Variants in CLCA4 observed in about 807,000 individuals in gnomAD.
CLCA4 encodes the protein calcium-activated chloride channel regulator 4.
CLCA4 carries 69 observed loss-of-function variants against 78.9 expected under a neutral mutation model. The ratio of observed to expected loss-of-function variants is 0.87; its 90% CI spans 0.72 to 1.07. CLCA4 has a LOEUF of 1.07. Among genes scored for constraint, CLCA4 ranks in the 50% least tolerant of loss-of-function variants. The pLI is 0.00. For missense variants in CLCA4, 1,133 were observed against 1,095.8 expected, an observed-to-expected ratio of 1.03 and a Z score of -0.48; for synonymous variants, 362 against 375.8, an observed-to-expected ratio of 0.96 and a Z score of 0.42.
Position 86,559,927 on chromosome 1 carries a change from G to T in CLCA4, c.160-5G>T. On this transcript the variant is annotated splice_polypyrimidine_tract_variant and splice_region_variant and intron_variant, in intron 1 of 13. Coordinates refer to ENST00000370563, the MANE Select transcript of CLCA4 (RefSeq NM_012128.4). ...ATCCTCACATATTTTTTCCTTTAATGACAGGATATGGTGACTACAGCTTCT... is the reference window on the plus strand; with the variant it reads ...ATCCTCACATATTTTTTCCTTTAATTACAGGATATGGTGACTACAGCTTCT... 6.3e-7 allele frequency: 1 copy of T among 1,582,480 alleles called. No individual in the cohort carries two copies. Among genetic ancestry groups the T allele is most frequent in the South Asian group, 1.2e-5 (1 of 85,024 alleles).
Position 86,567,575 on chromosome 1 carries a change from A to C in CLCA4, c.1106A>C (p.Asn369Thr), listed in dbSNP as rs1217402269. ...LIQIKSSDER[N>T]TLMAGLPTYP... ...CAAATAAAAAGCAGTGATGAAAGAA[A>C]CACACTCATGGCAGGATTACCTACA... Residue 369 changes from asparagine (N) to threonine (T), a missense_variant, in exon 7 of 14, where the codon AAC becomes ACC. Coordinates refer to ENST00000370563, the MANE Select transcript of CLCA4 (RefSeq NM_012128.4). The C allele has an allele frequency of 6.2e-7, 1 of 1,613,412 alleles. No individual in the cohort carries two copies. The highest frequency in any genetic ancestry group is 1.7e-5 in the Admixed American group (1 of 59,976).
chr1:86,578,189 G>C, intron 12 of CLCA4, 117 bp downstream of exon 12: 1 of 957,000 alleles, frequency 1.0e-6, no homozygotes, highest in Non-Finnish European at 1.5e-6. Context: ...CCCATTTATG[G>C]AATAAAGTTC....
At chr1:86,577,100 T>C (rs1460902986) in intron 11 of CLCA4, among the ~76,000 whole-genome samples, 1 of 152,128 alleles carries the variant, frequency 6.6e-6, no homozygotes, top group Non-Finnish European at 1.5e-5. Flanking sequence ...TCTTCAGATA[T>C]ATCAATATTT....
chr1:86,575,231 T>C (rs1376696942), intron 10 of CLCA4, 101 bp from the exon 11 acceptor site: 12 of 1,052,032 alleles, frequency 1.1e-5, no homozygotes, highest in Non-Finnish European at 1.5e-5. Flanking sequence ...AAAACCTCTT[T>C]ATTCTCTCCC....
At chr1:86,553,212 T>G (rs1649717692) in intron 1 of CLCA4, 2 of 1,169,858 alleles carry the variant, frequency 1.7e-6, no homozygotes, top group Non-Finnish European at 2.6e-6. Flanking sequence ...AAGCTGCAGC[T>G]TCACCAGGGA....
chr1:86,573,245 C>T (rs569302001), intron 9 of CLCA4, among the ~76,000 whole-genome samples: 2 of 151,830 alleles, frequency 1.3e-5, no homozygotes, highest in African/African-American at 2.4e-5. Context: ...CCACTTTTTT[C>T]GGTGGCTTTT....
intron 9 of CLCA4, 118 bp downstream of exon 9, chr1:86,572,838 A>T (rs1211851745): frequency 1.4e-6 from 1 of 703,350 alleles, no homozygotes. Flanking sequence ...ATTAAAATCT[A>T]AACTTTAATC....
At position 86,580,417 on chromosome 1, in the gene CLCA4, G is replaced by T. The variant is rs1650684288; in HGVS notation, c.*72G>T. The T allele has an allele frequency of 8.5e-7, 1 of 1,181,132 alleles. No individual in the cohort carries two copies. The highest frequency in any genetic ancestry group is 1.1e-6 in the Non-Finnish European group (1 of 873,294). The allele number at this position is 1,181,132 out of a possible 1,614,324, so 73.2% of individuals were successfully genotyped here. Reference sequence around the variant, plus strand: ...TAAAAAACAAAACAATGTAAGTAAAGGATATTTCTGAATCTTAAAATTCAT... The same window carrying T: ...TAAAAAACAAAACAATGTAAGTAAATGATATTTCTGAATCTTAAAATTCAT... On this transcript the variant is annotated 3_prime_UTR_variant, in exon 14 of 14. Transcript: ENST00000370563.
rs1235014255 is a variant in CLCA4, at chr1:86,579,415, G to C, written c.2184G>C (p.Glu728Asp). Residue 728 changes from glutamate to aspartate, a missense_variant, in exon 13 of 14, where the codon GAG becomes GAC. By Grantham distance (45) the Glu-to-Asp change is conservative. Transcript: ENST00000370563. ...ATGAGGATACTCAGACCACCTTGGA[G>C]GATTTCAGCCGAACAGCATCCGGAG... ...EIDEDTQTTL[E>D]DFSRTASGGA... The C allele has an allele frequency of 6.2e-7, 1 of 1,613,332 alleles. No individual in the cohort carries two copies. Among genetic ancestry groups the C allele is most frequent in the Admixed American group, 1.7e-5 (1 of 59,914 alleles).
At chr1:86,548,320 G>T (rs1649557218) in intron 1 of CLCA4, among the ~76,000 whole-genome samples, 1 of 152,012 alleles carries the variant, frequency 6.6e-6, no homozygotes, top group South Asian at 2.1e-4. Context: ...TGAGGTTTTT[G>T]AGTTTCTTGT....
chr1:86,560,166 T>C, intron 2 of CLCA4, 45 bp from the exon 3 acceptor site: 1 of 1,575,374 alleles, frequency 6.3e-7, no homozygotes, highest in Non-Finnish European at 8.6e-7. Context: ...CTGAATATTA[T>C]CTTTTTTATT....
At chr1:86,576,437 C>G (rs140282360) in intron 11 of CLCA4, among the ~76,000 whole-genome samples, 1 of 152,076 alleles carries the variant, frequency 6.6e-6, no homozygotes, top group Non-Finnish European at 1.5e-5. Flanking sequence ...CCCACCCCAG[C>G]CTCCCAAAGT....
intron 6 of CLCA4, 130 bp from the exon 7 acceptor site, chr1:86,567,294 C>A: frequency 1.3e-6 from 1 of 788,472 alleles, no homozygotes; most frequent in Non-Finnish European, 2.0e-6. Flanking sequence ...TTGATAATTG[C>A]TTCCTTTAAC....
chr1:86,571,905 C>T (rs575681982), intron 8 of CLCA4, among the ~76,000 whole-genome samples: 1 of 152,134 alleles, frequency 6.6e-6, no homozygotes, highest in Non-Finnish European at 1.5e-5. Flanking sequence ...TAATTTATGA[C>T]ATGAGTATAA....
At chr1:86,578,231 T>C (rs1057290358) in intron 12 of CLCA4, among the ~76,000 whole-genome samples, 159 bp downstream of exon 12, 1 of 152,096 alleles carries the variant, frequency 6.6e-6, no homozygotes, top group Non-Finnish European at 1.5e-5. Context: ...TCTAAATTAA[T>C]CTAAGCTTTG....
At position 86,573,251 on chromosome 1, in the gene CLCA4, C is replaced by CT. The variant is rs1553194386; in HGVS notation, c.1467+540dup. Among the ~76,000 whole-genome samples, 7 of 150,870 alleles carry CT rather than the reference C, an allele frequency of 4.6e-5. No individual in the cohort carries two copies. The East Asian group carries it at 7.8e-4, about 17-fold the overall frequency. On this transcript the variant is annotated intron_variant, in intron 9 of 13. Coordinates refer to ENST00000370563, the MANE Select transcript of CLCA4 (RefSeq NM_012128.4). Reference sequence around the variant, plus strand: ...CCTCTTCAACCACTTTTTTCGGTGGCTTTTTTTTTATTCACCTGTCTTCCG... The same window carrying CT: ...CCTCTTCAACCACTTTTTTCGGTGGCTTTTTTTTTTATTCACCTGTCTTCCG...
intron 3 of CLCA4, among the ~76,000 whole-genome samples, chr1:86,561,119 G>T (rs1425053918): frequency 6.6e-6 from 1 of 152,074 alleles, no homozygotes; most frequent in African/African-American, 2.4e-5. Context: ...AGCTAGATCT[G>T]GTCCTATTCA....
At chr1:86,562,149 C>A (rs903856491) in intron 3 of CLCA4, among the ~76,000 whole-genome samples, 1 of 152,016 alleles carries the variant, frequency 6.6e-6, no homozygotes, top group African/African-American at 2.4e-5. Flanking sequence ...ACAGAGATAG[C>A]TGGAAATGAG....
chr1:86,563,965 T>C (rs1002679932), intron 4 of CLCA4, among the ~76,000 whole-genome samples, 196 bp downstream of exon 4: 1 of 152,134 alleles, frequency 6.6e-6, no homozygotes, highest in African/African-American at 2.4e-5. Flanking sequence ...AAGCATTCAG[T>C]TGACAATTTA....
Sources: gnomAD v4.1 joint callset for allele counts (sites outside exome capture counted in the v4.1 genomes callset) on GRCh38, gnomAD v4.1.1 for gene constraint, MANE v1.5 for transcripts, NCBI Gene and HGNC (gene_info 2026-07-23, HGNC 2026-07-21) for gene names.